Variants in FNIP1 observed in about 807,000 individuals in gnomAD.
FNIP1 encodes the protein folliculin interacting protein 1, also known as folliculin-interacting protein 1.
Under a neutral mutation model 124.5 loss-of-function variants are expected in FNIP1, and 40 were observed. The ratio of observed to expected loss-of-function variants is 0.32; its 90% CI spans 0.25 to 0.42. FNIP1 has a LOEUF of 0.42. Among genes scored for constraint, FNIP1 ranks in the 10% least tolerant of loss-of-function variants. FNIP1 has a pLI of 1.00. For synonymous variants in FNIP1, 472 were observed against 470.6 expected, an observed-to-expected ratio of 1.00 and a Z score of -0.04; for missense variants, 1,176 against 1,403.7, an observed-to-expected ratio of 0.84 and a Z score of 2.59.
chr5:131,700,118 G>C (rs920576332), intron 10 of FNIP1, among the ~76,000 whole-genome samples: 1 of 151,518 alleles, frequency 6.6e-6, no homozygotes, highest in Non-Finnish European at 1.5e-5. Context: ...CGAGTAGCTG[G>C]GACTACAGGC....
chr5:131,749,826 C>A (rs1770809132), intron 1 of FNIP1, among the ~76,000 whole-genome samples: 1 of 151,804 alleles, frequency 6.6e-6, no homozygotes, highest in Admixed American at 6.6e-5. Flanking sequence ...AGGTTTGTAC[C>A]CCAAGAGCAA....
At chr5:131,702,394 G>A (rs569585855) in intron 10 of FNIP1, among the ~76,000 whole-genome samples, 91 of 152,036 alleles carry the variant, frequency 6.0e-4, no homozygotes, top group African/African-American at 2.1e-3. Flanking sequence ...TGCTCAATCT[G>A]AGTTTTTTTA....
At chr5:131,678,433 A>C (rs1767973533) in intron 12 of FNIP1, among the ~76,000 whole-genome samples, 3 of 152,112 alleles carry the variant, frequency 2.0e-5, no homozygotes, top group African/African-American at 7.2e-5. Flanking sequence ...TTTGAGACGG[A>C]GTCTTGCTTT....
chr5:131,651,385 C>T (rs1767034873), intron 16 of FNIP1, among the ~76,000 whole-genome samples: 3 of 152,192 alleles, frequency 2.0e-5, no homozygotes, highest in Admixed American at 2.0e-4. Flanking sequence ...GGGATTAAGA[C>T]ACTGTCTCAA....
chr5:131,704,844 G>A (rs559299062), intron 9 of FNIP1, among the ~76,000 whole-genome samples: 3 of 152,026 alleles, frequency 2.0e-5, no homozygotes, highest in South Asian at 4.2e-4. Flanking sequence ...GAAAACAAAG[G>A]GTAAAGGCAT....
At chr5:131,703,752 A>G (rs1026188564) in intron 10 of FNIP1, among the ~76,000 whole-genome samples, 1 of 152,210 alleles carries the variant, frequency 6.6e-6, no homozygotes, top group African/African-American at 2.4e-5. Flanking sequence ...ACATACATCT[A>G]TATTCATATG....
rs1297915137 is a variant in FNIP1, at chr5:131,644,335, A to T, written c.*350T>A. ...TATTTCTGAGCCATTAAATCATGAG[A>T]CACTGTTGCTATTTATGAGCTGTGA... On this transcript the variant is annotated 3_prime_UTR_variant, in exon 18 of 18. Coordinates refer to ENST00000510461, the MANE Select transcript of FNIP1 (RefSeq NM_133372.3). 6.2e-6 allele frequency: 1 copy of T among 160,434 alleles called. No individual in the cohort carries two copies. Among genetic ancestry groups the T allele is most frequent in the African/African-American group, 2.4e-5 (1 of 41,706 alleles). 9.9% of individuals were successfully genotyped at this position (160,434 alleles called of 1,614,324 possible). A position where few individuals can be genotyped will look rare whatever the true frequency, so the allele number is the denominator to read the frequency against.
At chr5:131,681,312 A>T (rs564461131) in intron 11 of FNIP1, among the ~76,000 whole-genome samples, 1 of 152,266 alleles carries the variant, frequency 6.6e-6, no homozygotes, top group Non-Finnish European at 1.5e-5. Context: ...TAATGATAAT[A>T]AAAAAAGGTT....
chr5:131,715,015 C>A (rs985852114), intron 6 of FNIP1, among the ~76,000 whole-genome samples: 5 of 152,144 alleles, frequency 3.3e-5, no homozygotes, highest in Admixed American at 2.0e-4. Flanking sequence ...GGTAGACACA[C>A]ACACAAAAAA....
chr5:131,750,452 G>A (rs4392611), intron 1 of FNIP1, among the ~76,000 whole-genome samples: 46 of 152,086 alleles, frequency 3.0e-4, no homozygotes, highest in African/African-American at 1.1e-3. Flanking sequence ...GCCAAGCAGT[G>A]GTTAGGGCAA....
chr5:131,675,972 C>T (rs1386392546), intron 13 of FNIP1, among the ~76,000 whole-genome samples: 1 of 151,912 alleles, frequency 6.6e-6, no homozygotes, highest in South Asian at 2.1e-4. Context: ...GATTCTCCTG[C>T]CTCAGCCTCC....
At chr5:131,781,273 G>A (rs1771987795) in intron 1 of FNIP1, among the ~76,000 whole-genome samples, 1 of 152,200 alleles carries the variant, frequency 6.6e-6, no homozygotes, top group African/African-American at 2.4e-5. Context: ...AAGGTAAAAA[G>A]GCAAATTACC....
intron 1 of FNIP1, among the ~76,000 whole-genome samples, chr5:131,795,003 T>C (rs905356423): frequency 1.3e-5 from 2 of 152,242 alleles, no homozygotes; most frequent in African/African-American, 4.8e-5. Context: ...GTATAAATTA[T>C]AGCTCAATGA....
chr5:131,773,820 G>A (rs1771719380), intron 1 of FNIP1, among the ~76,000 whole-genome samples: 1 of 152,098 alleles, frequency 6.6e-6, no homozygotes, highest in African/African-American at 2.4e-5. Flanking sequence ...AGAGGTTTGT[G>A]TATAGGTTTT....
intron 1 of FNIP1, among the ~76,000 whole-genome samples, chr5:131,764,298 CT>C (rs1771345380): frequency 6.6e-6 from 1 of 150,962 alleles, no homozygotes; most frequent in Non-Finnish European, 1.5e-5. Context: ...CAAGAATGGC[CT>C]AAAACACCTT....
At chr5:131,712,261 C>A (rs1381224504) in intron 6 of FNIP1, among the ~76,000 whole-genome samples, 1 of 152,206 alleles carries the variant, frequency 6.6e-6, no homozygotes, top group Non-Finnish European at 1.5e-5. Context: ...CTCCTTCTAT[C>A]AATTACTACT....
chr5:131,717,151 C>T lies in FNIP1; in HGVS notation c.531-495G>A, dbSNP rs181187673. ...ATCCCTCCCCCCTCACCCCACCCCA[C>T]GACAGGCCCCAGTGTGTGATGTCCC... On this transcript the variant is annotated intron_variant, in intron 5 of 17. Transcript: ENST00000510461. Among the ~76,000 whole-genome samples, 1,179 of 150,992 alleles carry T rather than the reference C, an allele frequency of 7.8e-3. 22 individuals carry two copies. Among genetic ancestry groups the T allele is most frequent in the African/African-American group, 0.027 (1,098 of 40,958 alleles).
chr5:131,684,253 T>C (rs1379428237), intron 11 of FNIP1, among the ~76,000 whole-genome samples: 6 of 152,316 alleles, frequency 3.9e-5, no homozygotes, highest in African/African-American at 1.2e-4. Context: ...TAGGAACATA[T>C]GCGTCAGGCA....
At chr5:131,721,928 C>T (rs1213370244) in intron 3 of FNIP1, among the ~76,000 whole-genome samples, 1 of 152,234 alleles carries the variant, frequency 6.6e-6, no homozygotes, top group African/African-American at 2.4e-5. Context: ...ATTTAGATAT[C>T]ATGGCAAATA....
Sources: allele counts gnomAD v4.1 joint callset (sites outside exome capture counted in the v4.1 genomes callset), GRCh38; gene constraint gnomAD v4.1.1; transcripts MANE v1.5; gene names NCBI Gene and HGNC (gene_info 2026-07-23, HGNC 2026-07-21).